The following LIMS2 variants were observed in gnomAD, a reference collection of about 807,000 sequenced individuals.
The protein encoded by LIMS2 is LIM zinc finger domain containing 2, also known as LIM and senescent cell antigen-like-containing domain protein 2.
In LIMS2, 30 loss-of-function variants were observed where a neutral mutation model predicts 45.3. That is an observed-to-expected ratio of 0.66 (90% confidence interval 0.50 to 0.90). The LOEUF (loss-of-function observed/expected upper bound fraction) is 0.90, where lower values mean the gene tolerates loss of function less well. Among genes scored for constraint, LIMS2 ranks in the 40% least tolerant of loss-of-function variants. The pLI, the probability that LIMS2 is intolerant of heterozygous loss-of-function variation, is 0.00. For synonymous variants in LIMS2, 173 were observed against 188.0 expected (o/e 0.92, Z 0.65); for missense variants, 485 against 468.7 (o/e 1.03, Z -0.32).
chr2:127,649,690 TTCTCTGCTGAGGGTGGGGAGCACCCTA>T (rs1194851281), intron 4 of LIMS2, among the ~76,000 whole-genome samples: 45 of 152,350 alleles, frequency 3.0e-4, no homozygotes, highest in Admixed American at 2.9e-3. Context: ...AAGAGTGGGT[TTCTCTGCTGAGGGTGGGGAGCACCCTA>T]TCCAGACCCA....
At chr2:127,659,903 C>T (rs900738657) in intron 1 of LIMS2, among the ~76,000 whole-genome samples, 10 of 152,222 alleles carry the variant, frequency 6.6e-5, no homozygotes, top group Admixed American at 1.3e-4. Context: ...CCTACTCCCA[C>T]GGGCCAGGTG....
Position 127,667,306 on chromosome 2 carries a change from C to CA in LIMS2, c.11+7707dup, listed in dbSNP as rs1282581343. 2.0e-5 allele frequency among the ~76,000 whole-genome samples: 3 copies of CA among 151,818 alleles called. No homozygotes were observed. Among genetic ancestry groups the CA allele is most frequent in the Admixed American group, 6.6e-5 (1 of 15,236 alleles). On this transcript the variant is annotated intron_variant, in intron 1 of 9. Coordinates refer to ENST00000355119, the MANE Select transcript of LIMS2 (RefSeq NM_001161403.3). The surrounding 1 kb of genome is among the most constrained non-coding windows in gnomAD (Gnocchi z 4.1). ...ATCTTGTCTCAAAAAGAGAAAAAAA[C>CA]AAAAAACAAAAAACAACAAACCTTC... is the stretch of plus-strand genomic sequence containing the variant.
intron 1 of LIMS2, among the ~76,000 whole-genome samples, chr2:127,659,026 A>G (rs1192471190): frequency 6.6e-6 from 1 of 151,646 alleles, no homozygotes; most frequent in Non-Finnish European, 1.5e-5. Context: ...AACCACAGAG[A>G]AGAGGGGCCT....
At chr2:127,654,706 G>A (rs1182124023) in intron 3 of LIMS2, 124 bp downstream of exon 3, 4 of 1,463,932 alleles carry the variant, frequency 2.7e-6, no homozygotes, top group African/African-American at 1.4e-5. Flanking sequence ...CTGCCGCTCA[G>A]AGAGGCAAGG....
intron 1 of LIMS2, chr2:127,673,825 G>A (rs375237798): frequency 1.5e-6 from 2 of 1,293,138 alleles, no homozygotes; most frequent in Middle Eastern, 1.8e-4. Flanking sequence ...AGAACCCTAG[G>A]GGGTGACCAC....
At chr2:127,655,071 T>C (rs1007052040) in intron 2 of LIMS2, 175 bp from the exon 3 acceptor site, 14 of 685,172 alleles carry the variant, frequency 2.0e-5, no homozygotes, top group African/African-American at 3.5e-5. Context: ...ACTGGCCCTT[T>C]TGGGATGGTG....
rs1486657837 is a variant in LIMS2, at chr2:127,671,407, T to G, written c.11+3607A>C. 2.0e-5 allele frequency among the ~76,000 whole-genome samples: 3 copies of G among 148,422 alleles called. No homozygotes were observed. Among genetic ancestry groups the G allele is most frequent in the Non-Finnish European group, 4.4e-5 (3 of 67,502 alleles). Reference sequence around the variant, plus strand: ...GAGATCACGCCACTGCACTCCAGCTTGGGTGACAGAGCGAGACTCCATCTC... The same window carrying G: ...GAGATCACGCCACTGCACTCCAGCTGGGGTGACAGAGCGAGACTCCATCTC... On this transcript the variant is annotated intron_variant, in intron 1 of 9. Coordinates refer to ENST00000355119, the MANE Select transcript of LIMS2 (RefSeq NM_001161403.3). This position sits in a 1 kb window ranked among gnomAD's most constrained non-coding sequence, Gnocchi z 4.1.
intron 4 of LIMS2, chr2:127,648,010 T>G (rs913969396): frequency 6.1e-6 from 6 of 985,688 alleles, no homozygotes; most frequent in Middle Eastern, 5.2e-4. Context: ...CAGCCAAGCC[T>G]GTCTCCCTCT....
chr2:127,654,642 G>C (rs988555792), intron 3 of LIMS2, 98 bp from the exon 4 acceptor site: 44 of 1,573,570 alleles, frequency 2.8e-5, no homozygotes, highest in Non-Finnish European at 3.6e-5. Context: ...CCTGCTCTCT[G>C]CCTGGCCCAT....
rs75481294 is a variant in LIMS2, at chr2:127,652,096, T to A, written c.359+2328A>T. On this transcript the variant is annotated intron_variant, in intron 4 of 9. Coordinates refer to ENST00000355119, the MANE Select transcript of LIMS2 (RefSeq NM_001161403.3). Reference sequence around the variant, plus strand: ...TCCCAGCCTCCTTCCCGCTACAGAATCGCTCATCGGCGAGGCTCAGCAGAA... The same window carrying A: ...TCCCAGCCTCCTTCCCGCTACAGAAACGCTCATCGGCGAGGCTCAGCAGAA... 132 of 324,500 alleles carry A rather than the reference T, an allele frequency of 4.1e-4. No homozygotes were observed. In the East Asian group the frequency reaches 7.9e-3, roughly 19 times the overall value. The allele number at this position is 324,500 out of a possible 1,614,324, so 20.1% of individuals were successfully genotyped here.
chr2:127,663,373 G>A (rs1684800462), intron 1 of LIMS2, among the ~76,000 whole-genome samples: 1 of 152,240 alleles, frequency 6.6e-6, no homozygotes, highest in Admixed American at 6.5e-5. Context: ...ATGCAGCAGG[G>A]ACTCCACAGA....
chr2:127,640,805 T>C, intron 7 of LIMS2, 91 bp downstream of exon 7: 1 of 1,190,326 alleles, frequency 8.4e-7, no homozygotes, highest in Non-Finnish European at 1.2e-6. Context: ...GCAGAGCTCC[T>C]GAGGGGGTGC....
chr2:127,647,259 G>A lies in LIMS2; in HGVS notation c.360-4187C>T, dbSNP rs1683091913. Among the ~76,000 whole-genome samples the A allele has an allele frequency of 6.6e-6, 1 of 152,158 alleles. No individual in the cohort carries two copies. Among genetic ancestry groups the A allele is most frequent in the African/African-American group, 2.4e-5 (1 of 41,428 alleles). On this transcript the variant is annotated intron_variant, in intron 4 of 9. Coordinates refer to ENST00000355119, the MANE Select transcript of LIMS2 (RefSeq NM_001161403.3). This position sits in a 1 kb window ranked among gnomAD's most constrained non-coding sequence, Gnocchi z 4.3. The stretch of plus-strand genomic sequence containing the variant: ...GGCCCCAGGGCCAGGAGGGGGTGCT[G>A]AGCCTGGGAGACAACTCCATGGCAA...
rs998812044 is a variant in LIMS2, at chr2:127,668,371, T to TA, written c.11+6642dup. 3.4e-4 allele frequency among the ~76,000 whole-genome samples: 51 copies of TA among 150,068 alleles called. No individual in the cohort carries two copies. The East Asian group carries it at 7.6e-3, about 22-fold the overall frequency. ...TGACACAGAATAATCAAAACAACTT[T>TA]AAAAAAAAACAAAGAGGCCAGGTGC... is the stretch of plus-strand genomic sequence containing the variant. On this transcript the variant is annotated intron_variant, in intron 1 of 9. Transcript: ENST00000355119.
intron 1 of LIMS2, among the ~76,000 whole-genome samples, chr2:127,659,998 G>A (rs185586385): frequency 7.2e-5 from 11 of 152,260 alleles, no homozygotes; most frequent in East Asian, 3.9e-4. Flanking sequence ...CTCCCTCGCC[G>A]TTTCATAAAC....
At chr2:127,652,924 AT>A (rs1330008014) in intron 4 of LIMS2, among the ~76,000 whole-genome samples, 1 of 152,162 alleles carries the variant, frequency 6.6e-6, no homozygotes, top group Non-Finnish European at 1.5e-5. Flanking sequence ...CATCTTTCAG[AT>A]TTCCCCAACC....
rs755783718 is a variant in LIMS2 at position 127,657,550 on chromosome 2, G to A, written c.24C>T (p.Asp8=). The A allele has an allele frequency of 3.0e-5, 48 of 1,602,042 alleles. No individual in the cohort carries two copies. Among genetic ancestry groups the A allele is most frequent in the South Asian group, 3.4e-5 (3 of 88,860 alleles). The change falls in exon 2 of 10, where the codon GAC becomes GAT. Residue 8 remains aspartate (D), a synonymous_variant. Transcript: ENST00000355119. MTGSNMS[D]ALANAVCQRC... ...GCTGGCACACGGCGTTGGCCAAGGC[G>A]TCCGACATATTGCTGGGGGCAGGAG...
intron 6 of LIMS2, 145 bp from the exon 7 acceptor site, chr2:127,641,133 G>A (rs967874895): frequency 2.8e-5 from 18 of 635,032 alleles, no homozygotes; most frequent in Admixed American, 4.9e-5. Flanking sequence ...GTGACAGAAG[G>A]GGACAGAAAG....
chr2:127,647,013 C>T lies in LIMS2; in HGVS notation c.360-3941G>A, dbSNP rs148697927. ...CAGAGAGAGCGAGGGGCACGCCCTT[C>T]GGCCCGGGCAGGAAGTGGAGGGCAG... On this transcript the variant is annotated intron_variant, in intron 4 of 9. Coordinates refer to ENST00000355119, the MANE Select transcript of LIMS2 (RefSeq NM_001161403.3). This position sits in a 1 kb window ranked among gnomAD's most constrained non-coding sequence, Gnocchi z 4.3. Among the ~76,000 whole-genome samples the T allele has an allele frequency of 4.6e-3, 697 of 152,304 alleles. 7 individuals are homozygous for T. The highest frequency in any genetic ancestry group is 0.016 in the African/African-American group (649 of 41,566).
Sources: gnomAD v4.1 joint callset for allele counts (sites outside exome capture counted in the v4.1 genomes callset) on GRCh38, gnomAD v4.1.1 for gene constraint, Gnocchi (gnomAD v3.1) non-coding constraint, MANE v1.5 for transcripts, NCBI Gene and HGNC (gene_info 2026-07-23, HGNC 2026-07-21) for gene names.